Variants in DLC1 observed in about 807,000 individuals in gnomAD.
DLC1 encodes DLC1 Rho GTPase activating protein.
A neutral mutation model predicts 140.3 loss-of-function variants in DLC1; 54 were observed. The ratio of observed to expected loss-of-function variants is 0.38; its 90% CI spans 0.31 to 0.48. DLC1 has a LOEUF of 0.48. DLC1 is among the 20% of genes least tolerant of loss of function. The probability of loss-of-function intolerance (pLI) is 0.96; values close to 1 mark genes in which losing one functional copy is unlikely to be tolerated. For synonymous variants in DLC1, 986 were observed against 728.1 expected (o/e 1.35, Z -5.70); for missense variants, 2,536 against 1,907.0 (o/e 1.33, Z -6.14).
At chr8:13,354,327 T>C (rs1478663865) in intron 4 of DLC1, among the ~76,000 whole-genome samples, 1 of 152,210 alleles carries the variant, frequency 6.6e-6, no homozygotes, top group Non-Finnish European at 1.5e-5. Context: ...CTTCTAGTTT[T>C]ATTGTCTTAC....
At chr8:13,192,853 C>T (rs558266591) in intron 5 of DLC1, among the ~76,000 whole-genome samples, 2 of 152,190 alleles carry the variant, frequency 1.3e-5, no homozygotes, top group South Asian at 2.1e-4. Context: ...AGAGAGGCCT[C>T]GGAGGAATCC....
intron 5 of DLC1, among the ~76,000 whole-genome samples, chr8:13,207,617 T>G (rs1827734677): frequency 6.6e-6 from 1 of 152,212 alleles, no homozygotes; most frequent in Non-Finnish European, 1.5e-5. Flanking sequence ...TCATGGTTGC[T>G]TTACACCATA....
At chr8:13,528,455 A>G (rs1802989731) in intron 1 of DLC1, among the ~76,000 whole-genome samples, 1 of 152,198 alleles carries the variant, frequency 6.6e-6, no homozygotes, top group Non-Finnish European at 1.5e-5. Context: ...TGTTAGAAAA[A>G]TTGTTTGAAA....
intron 5 of DLC1, among the ~76,000 whole-genome samples, chr8:13,245,832 C>T (rs1321977396): frequency 6.6e-6 from 1 of 151,996 alleles, no homozygotes; most frequent in East Asian, 1.9e-4. Context: ...TCCCATGTAG[C>T]TGGGATTACA....
intron 12 of DLC1, among the ~76,000 whole-genome samples, chr8:13,093,312 G>C (rs1011625347): frequency 6.6e-6 from 1 of 152,136 alleles, no homozygotes; most frequent in African/African-American, 2.4e-5. Flanking sequence ...ATTTGCATGA[G>C]TTTAACTGAT....
intron 1 of DLC1, chr8:13,568,034 A>G (rs1488016916): frequency 3.6e-6 from 5 of 1,373,460 alleles, no homozygotes; most frequent in Non-Finnish European, 4.8e-6. Flanking sequence ...AGACTTTACT[A>G]TGCTTCCTTC....
At chr8:13,116,453 A>G (rs1380968185) in intron 5 of DLC1, among the ~76,000 whole-genome samples, 1 of 152,128 alleles carries the variant, frequency 6.6e-6, no homozygotes, top group Non-Finnish European at 1.5e-5. Flanking sequence ...TGCTTGCACA[A>G]AGAATATTCC....
chr8:13,413,359 G>A (rs1486150345), intron 2 of DLC1, among the ~76,000 whole-genome samples: 2 of 144,708 alleles, frequency 1.4e-5, no homozygotes. Context: ...GCCCGGGGAA[G>A]CCAAAAGATT....
chr8:13,100,072 C>G lies in DLC1; in HGVS notation c.2265G>C (p.Thr755=), dbSNP rs138749997. The stretch of plus-strand genomic sequence containing the variant: ...TCCGGGTCCTCGTAACAGGGCTGGG[C>G]GTGCTGACCGCGCTGCTGGTCTCCG... ...SQSETSSAVS[T]PSPVTRTRSL... Residue 755 remains threonine (T), a synonymous_variant, in exon 9 of 18, where the codon ACG becomes ACC. Transcript: ENST00000276297. 390 of 1,613,332 alleles carry G rather than the reference C, an allele frequency of 2.4e-4. No individual in the cohort carries two copies. Among genetic ancestry groups the G allele is most frequent in the Non-Finnish European group, 3.1e-4 (365 of 1,180,040 alleles).
At position 13,095,874 on chromosome 8, in the gene DLC1, A is replaced by G. The variant is rs117039607; in HGVS notation, c.3168-629T>C. On this transcript the variant is annotated intron_variant, in intron 10 of 17. Coordinates refer to ENST00000276297, the MANE Select transcript of DLC1 (RefSeq NM_182643.3). ...GAGCCAACTCCAGAGCTCAACAGTG[A>G]ATGACCTGAAGTCAAAATAAAATCT... 4.4e-3 allele frequency: 668 copies of G among 152,446 alleles called. 5 individuals are homozygous for G. Among genetic ancestry groups the G allele is most frequent in the Non-Finnish European group, 5.4e-3 (365 of 68,144 alleles). 9.4% of individuals were successfully genotyped at this position (152,446 alleles called of 1,614,324 possible). A position where few individuals can be genotyped will look rare whatever the true frequency, so the allele number is the denominator to read the frequency against.
At chr8:13,437,373 G>A (rs909646304) in intron 2 of DLC1, among the ~76,000 whole-genome samples, 2 of 152,138 alleles carry the variant, frequency 1.3e-5, no homozygotes, top group African/African-American at 4.8e-5. Flanking sequence ...AAGACATGCT[G>A]GTGAACACTG....
At chr8:13,319,731 C>T (rs1242996137) in intron 4 of DLC1, among the ~76,000 whole-genome samples, 4 of 150,052 alleles carry the variant, frequency 2.7e-5, no homozygotes, top group Non-Finnish European at 1.5e-5. Flanking sequence ...TACCCAGTAT[C>T]GGGTAGTTCT....
chr8:13,331,308 A>G lies in DLC1; in HGVS notation c.1315-26006T>C, dbSNP rs372831235. ...GGTATTCGTTTGGGTGGCAATTCCA[A>G]TTGGTAGGATTCTTTTTTGCTCAGA... On this transcript the variant is annotated intron_variant, in intron 4 of 17. Transcript: ENST00000276297. Among the ~76,000 whole-genome samples, 260 of 152,308 alleles carry G rather than the reference A, an allele frequency of 1.7e-3. 3 individuals are homozygous for G. The highest frequency in any genetic ancestry group is 6.2e-3 in the African/African-American group (257 of 41,572).
chr8:13,219,094 G>GTAATTATATAATTATATGTGAATA (rs1563174256), intron 5 of DLC1, among the ~76,000 whole-genome samples: 53 of 74,070 alleles, frequency 7.2e-4, no homozygotes, highest in Non-Finnish European at 7.1e-4. Context: ...ATATGTGAAT[G>GTAATTATATAATTATATGTGAATA]TAATTATATA....
chr8:13,466,631 G>A (rs1436632296), intron 2 of DLC1, among the ~76,000 whole-genome samples: 2 of 152,116 alleles, frequency 1.3e-5, no homozygotes, highest in African/African-American at 4.8e-5. Context: ...CATCTTCCCT[G>A]GAGCCCCATC....
In DLC1 at chr8:13,212,786, T is replaced by G. The variant is rs116849293; in HGVS notation, c.1348+92483A>C. ...TATCTCTGTGATATGTAAAGCATTT[T>G]CAATATCACCATATAACAGCTTGGG... On this transcript the variant is annotated intron_variant, in intron 5 of 17. Coordinates refer to ENST00000276297, the MANE Select transcript of DLC1 (RefSeq NM_182643.3). 8.8e-3 allele frequency among the ~76,000 whole-genome samples: 1,345 copies of G among 152,274 alleles called. 9 individuals are homozygous for G. Among genetic ancestry groups the G allele is most frequent in the Non-Finnish European group, 0.013 (877 of 68,026 alleles).
intron 1 of DLC1, chr8:13,567,731 C>T: frequency 2.6e-6 from 4 of 1,552,076 alleles, no homozygotes; most frequent in Non-Finnish European, 3.5e-6. Flanking sequence ...ATTGGAGAAG[C>T]ACATCAAGAC....
chr8:13,583,657 T>C (rs1339566260), intron 1 of DLC1, among the ~76,000 whole-genome samples: 1 of 152,214 alleles, frequency 6.6e-6, no homozygotes, highest in African/African-American at 2.4e-5. Flanking sequence ...TGTCAGAGGA[T>C]TGACAACAAA....
chr8:13,535,531 A>G (rs546506300), intron 1 of DLC1, among the ~76,000 whole-genome samples: 15 of 152,190 alleles, frequency 9.9e-5, no homozygotes, highest in Admixed American at 2.6e-4. Flanking sequence ...TTAAAAATTA[A>G]ACTACATTTC....
Sources: gnomAD v4.1 joint callset for allele counts (sites outside exome capture counted in the v4.1 genomes callset) on GRCh38, gnomAD v4.1.1 for gene constraint, MANE v1.5 for transcripts, NCBI Gene and HGNC (gene_info 2026-07-23, HGNC 2026-07-21) for gene names.